Variants in ARMH3 observed in about 807,000 individuals in gnomAD.
The protein encoded by ARMH3 is armadillo-like helical domain-containing protein 3.
In ARMH3, 60 loss-of-function variants were observed where a neutral mutation model predicts 99.1. The observed-to-expected ratio is 0.61, with a 90% CI of 0.49 to 0.75. The LOEUF (loss-of-function observed/expected upper bound fraction) is 0.75, where lower values mean the gene tolerates loss of function less well. Ranked by LOEUF, ARMH3 falls within the 30% of genes least tolerant of loss-of-function variation. ARMH3 has a pLI of 0.00. For missense variants in ARMH3, 679 were observed against 843.1 expected, an observed-to-expected ratio of 0.81 and a Z score of 2.41; for synonymous variants, 285 against 292.8, an observed-to-expected ratio of 0.97 and a Z score of 0.27.
intron 8 of ARMH3, among the ~76,000 whole-genome samples, chr10:102,020,311 G>C (rs1243488517): frequency 1.3e-5 from 2 of 152,076 alleles, no homozygotes; most frequent in African/African-American, 2.4e-5. Context: ...AAGGCAGGCA[G>C]ATCACTTGAG....
chr10:101,980,178 C>T (rs1465828507), intron 19 of ARMH3, among the ~76,000 whole-genome samples: 1 of 152,198 alleles, frequency 6.6e-6, no homozygotes, highest in Non-Finnish European at 1.5e-5. Flanking sequence ...TGTATACCAA[C>T]TGAATGCTAT....
At chr10:101,904,963 A>G (rs972867712) in intron 23 of ARMH3, among the ~76,000 whole-genome samples, 59 of 151,858 alleles carry the variant, frequency 3.9e-4, no homozygotes, top group African/African-American at 1.3e-3. Flanking sequence ...AAAAAAAAAA[A>G]AAAGAAAGAA....
chr10:101,904,792 A>G (rs1048830282), intron 23 of ARMH3, among the ~76,000 whole-genome samples: 4 of 151,966 alleles, frequency 2.6e-5, no homozygotes, highest in Admixed American at 2.0e-4. Flanking sequence ...TCTCTACTAA[A>G]AATACAAAAA....
rs771802836 is a variant in ARMH3 at position 101,847,633 on chromosome 10, A to G, written c.1978-13T>C. The G allele has an allele frequency of 6.2e-7, 1 of 1,613,368 alleles. No individual in the cohort carries two copies. Among genetic ancestry groups the G allele is most frequent in the East Asian group, 2.2e-5 (1 of 44,878 alleles). On this transcript the variant is annotated splice_polypyrimidine_tract_variant and intron_variant, in intron 25 of 25. Coordinates refer to ENST00000370033, the MANE Select transcript of ARMH3 (RefSeq NM_024541.3). ...TAATGGATCGAACCTGGGAAAGGGT[A>G]GTTGGGGAAGGTGGGAGGGCGCAGC... is the stretch of plus-strand genomic sequence containing the variant.
chr10:101,892,789 G>T (rs1372549154), intron 23 of ARMH3, among the ~76,000 whole-genome samples: 1 of 152,048 alleles, frequency 6.6e-6, no homozygotes, highest in African/African-American at 2.4e-5. Flanking sequence ...GAAAAGCAAC[G>T]CCAAACATCT....
At chr10:102,027,988 A>T (rs772569585) in intron 5 of ARMH3, among the ~76,000 whole-genome samples, 12 of 151,732 alleles carry the variant, frequency 7.9e-5, no homozygotes, top group Non-Finnish European at 1.2e-4. Flanking sequence ...AAGAACTCTT[A>T]TAACTCAACA....
intron 1 of ARMH3, among the ~76,000 whole-genome samples, chr10:102,052,800 G>T (rs1198983133): frequency 6.6e-6 from 1 of 151,808 alleles, no homozygotes; most frequent in Non-Finnish European, 1.5e-5. Context: ...CTCAAAGCTG[G>T]TGCCAATACA....
intron 12 of ARMH3, 22 bp downstream of exon 12, chr10:102,009,955 C>A: frequency 6.2e-7 from 1 of 1,610,870 alleles, no homozygotes; most frequent in Non-Finnish European, 8.5e-7. Flanking sequence ...CAAGTCACTG[C>A]ACAAGAATGT....
chr10:101,982,958 A>C (rs919348454), intron 19 of ARMH3, among the ~76,000 whole-genome samples: 8 of 152,312 alleles, frequency 5.3e-5, no homozygotes, highest in African/African-American at 1.4e-4. Context: ...CACTGCCCCC[A>C]GATCTGTGAA....
At chr10:101,945,669 G>A (rs1402207500) in intron 22 of ARMH3, among the ~76,000 whole-genome samples, 1 of 151,138 alleles carries the variant, frequency 6.6e-6, no homozygotes, top group Non-Finnish European at 1.5e-5. Flanking sequence ...AGTGAGCTGA[G>A]AGCGTGCCTG....
In ARMH3 at chr10:102,023,515, C is replaced by G. The variant is rs769392626; in HGVS notation, c.631G>C (p.Val211Leu). Residue 211 changes from valine to leucine, a missense_variant, in exon 8 of 26, where the codon GTC becomes CTC. Physicochemically the swap from Val to Leu is conservative, Grantham distance 32. Around this residue, in one of 3 missense-constraint regions of ARMH3, gnomAD observed 280 missense variants for 354.6 expected, o/e 0.79. Transcript: ENST00000370033. ...SRREHGYDAV[V>L]LLALLVNYRK... ...TAGTTCACCAGCAAAGCCAAGAGGA[C>G]GACAGCATCATACCCATGCTCCCTA... 6.2e-7 allele frequency: 1 copy of G among 1,613,952 alleles called. No individual in the cohort carries two copies. The highest frequency in any genetic ancestry group is 1.3e-5 in the African/African-American group (1 of 74,876).
chr10:101,857,044 A>T (rs1202667833), intron 24 of ARMH3, among the ~76,000 whole-genome samples: 1 of 152,132 alleles, frequency 6.6e-6, no homozygotes, highest in African/African-American at 2.4e-5. Context: ...AAGTAGGTAT[A>T]CAGAAAAAAA....
At chr10:102,016,980 A>C (rs2066763212) in intron 8 of ARMH3, among the ~76,000 whole-genome samples, 1 of 152,188 alleles carries the variant, frequency 6.6e-6, no homozygotes, top group South Asian at 2.1e-4. Flanking sequence ...TATCTTTTCT[A>C]TCACTTTTAT....
intron 24 of ARMH3, among the ~76,000 whole-genome samples, chr10:101,851,673 G>C (rs2066603720): frequency 6.6e-6 from 1 of 152,200 alleles, no homozygotes; most frequent in African/African-American, 2.4e-5. Context: ...CCTGAGGAGA[G>C]AGAAGGGCTA....
At chr10:101,928,966 G>T in intron 23 of ARMH3, among the ~76,000 whole-genome samples, 1 of 152,040 alleles carries the variant, frequency 6.6e-6, no homozygotes, top group Admixed American at 6.6e-5. Flanking sequence ...CCTGACCTCA[G>T]GTGATCCACC....
At chr10:101,913,072 C>T (rs988630368) in intron 23 of ARMH3, 1 of 152,418 alleles carries the variant, frequency 6.6e-6, no homozygotes, top group African/African-American at 2.4e-5. Flanking sequence ...CCTTGAACTC[C>T]TGGGCTCAAG....
intron 8 of ARMH3, among the ~76,000 whole-genome samples, chr10:102,020,731 T>C (rs1267280209): frequency 1.3e-5 from 2 of 148,444 alleles, no homozygotes; most frequent in African/African-American, 5.0e-5. Context: ...CAGGTGCCTG[T>C]AATCCCAGCT....
At chr10:102,045,268 G>T (rs985695040) in intron 1 of ARMH3, among the ~76,000 whole-genome samples, 2 of 151,980 alleles carry the variant, frequency 1.3e-5, no homozygotes, top group Non-Finnish European at 2.9e-5. Flanking sequence ...TGGGAACACA[G>T]CAGTAAACAT....
intron 23 of ARMH3, among the ~76,000 whole-genome samples, chr10:101,898,241 A>G (rs185327252): frequency 4.0e-4 from 61 of 151,816 alleles, no homozygotes; most frequent in African/African-American, 1.5e-3. Context: ...TTGTAGTCCC[A>G]GCTACTCAGG....
Sources: gnomAD v4.1 joint callset for allele counts (sites outside exome capture counted in the v4.1 genomes callset) on GRCh38, gnomAD v4.1.1 for gene constraint, gnomAD v4.1.1 regional missense constraint, MANE v1.5 for transcripts, NCBI Gene and HGNC (gene_info 2026-07-23, HGNC 2026-07-21) for gene names.